Variants in MELK observed in about 807,000 individuals in gnomAD.
MELK encodes pEg3 kinase.
MELK carries 81 observed loss-of-function variants against 85.0 expected under a neutral mutation model. That is an observed-to-expected ratio of 0.95 (90% confidence interval 0.80 to 1.15). The LOEUF (loss-of-function observed/expected upper bound fraction) is 1.15, where lower values mean the gene tolerates loss of function less well. MELK is among the 50% of genes most tolerant of loss of function. MELK has a pLI of 0.00. For missense variants in MELK, 754 were observed against 777.5 expected (o/e 0.97, Z 0.36); for synonymous variants, 252 against 265.0 (o/e 0.95, Z 0.48).
intron 8 of MELK, among the ~76,000 whole-genome samples, chr9:36,621,309 A>AAAAAAC (rs1827418717): frequency 7.2e-6 from 1 of 138,684 alleles, no homozygotes; most frequent in Non-Finnish European, 1.5e-5. Context: ...AAAAAAAAAA[A>AAAAAAC]AAAAAAAACT....
intron 8 of MELK, among the ~76,000 whole-genome samples, chr9:36,610,291 A>G (rs897664135): frequency 2.0e-5 from 3 of 152,240 alleles, no homozygotes; most frequent in African/African-American, 7.2e-5. Flanking sequence ...ACTGAGTTCA[A>G]TCTTCAACTT....
intron 8 of MELK, among the ~76,000 whole-genome samples, chr9:36,628,012 C>G (rs1028957310): frequency 2.6e-5 from 4 of 152,062 alleles, no homozygotes; most frequent in Non-Finnish European, 5.9e-5. Context: ...AGTGATTTTT[C>G]TGCCTCAGCC....
chr9:36,596,874 T>C (rs1824342810), intron 5 of MELK, among the ~76,000 whole-genome samples: 1 of 152,066 alleles, frequency 6.6e-6, no homozygotes, highest in African/African-American at 2.4e-5. Context: ...GCGTGAGCCA[T>C]TGTGCCCAGC....
chr9:36,584,106 C>T (rs1377189251), intron 3 of MELK, among the ~76,000 whole-genome samples: 3 of 151,018 alleles, frequency 2.0e-5, no homozygotes, highest in Admixed American at 1.3e-4. Flanking sequence ...CCCGGGTTCA[C>T]GCCATTCTCC....
intron 1 of MELK, among the ~76,000 whole-genome samples, chr9:36,580,201 T>A (rs1822078338): frequency 6.6e-6 from 1 of 151,580 alleles, no homozygotes; most frequent in African/African-American, 2.4e-5. Context: ...GCTAATTTTT[T>A]ATAGCTTTAG....
chr9:36,596,934 T>C (rs970340787), intron 5 of MELK, among the ~76,000 whole-genome samples: 1 of 152,204 alleles, frequency 6.6e-6, no homozygotes, highest in Admixed American at 6.5e-5. Context: ...TTCTAGTCAT[T>C]TTCAGTTTGT....
At chr9:36,584,719 C>CTTT (rs869168768) in intron 3 of MELK, among the ~76,000 whole-genome samples, 1 of 129,764 alleles carries the variant, frequency 7.7e-6, no homozygotes, top group African/African-American at 2.9e-5. Flanking sequence ...TATGTCCTAG[C>CTTT]TTTTTTTTTT....
chr9:36,638,667 T>A (rs1829440710), intron 10 of MELK, among the ~76,000 whole-genome samples: 1 of 152,226 alleles, frequency 6.6e-6, no homozygotes, highest in Non-Finnish European at 1.5e-5. Context: ...AAGGGCTCTC[T>A]GTATATTATA....
intron 7 of MELK, among the ~76,000 whole-genome samples, chr9:36,607,146 A>G (rs1358490728): frequency 6.6e-6 from 1 of 152,268 alleles, no homozygotes; most frequent in Admixed American, 6.5e-5. Context: ...AGAATTTTAT[A>G]GTACAACTTA....
intron 8 of MELK, among the ~76,000 whole-genome samples, chr9:36,615,494 A>ACC (rs1267413665): frequency 1.7e-4 from 14 of 82,862 alleles, no homozygotes; most frequent in Admixed American, 1.2e-3. Context: ...GCGGGGGCTG[A>ACC]CCCCCCCCCA....
At chr9:36,615,494 A>ACCC (rs1267413665) in intron 8 of MELK, among the ~76,000 whole-genome samples, 2 of 82,860 alleles carry the variant, frequency 2.4e-5, no homozygotes, top group Admixed American at 1.2e-4. Context: ...GCGGGGGCTG[A>ACCC]CCCCCCCCCA....
At chr9:36,583,274 C>T (rs1822450789) in intron 2 of MELK, among the ~76,000 whole-genome samples, 1 of 152,016 alleles carries the variant, frequency 6.6e-6, no homozygotes. Flanking sequence ...CGCCCGGCCT[C>T]AAATATTTAA....
intron 1 of MELK, chr9:36,573,331 C>T (rs1261467139): frequency 3.3e-5 from 5 of 152,106 alleles, no homozygotes; most frequent in Admixed American, 6.6e-5. Flanking sequence ...GACTCTTCCC[C>T]GCGAAAAAAG....
intron 8 of MELK, among the ~76,000 whole-genome samples, chr9:36,610,028 G>T (rs953202058): frequency 2.0e-5 from 3 of 152,152 alleles, no homozygotes; most frequent in Non-Finnish European, 2.9e-5. Flanking sequence ...TTTAAAAGAA[G>T]GGTGGAAGTG....
In MELK at chr9:36,663,800, CTT is replaced by C. The variant is rs1460993529; in HGVS notation, c.1177-1549_1177-1548del. On this transcript the variant is annotated intron_variant, in intron 13 of 17. Transcript: ENST00000298048. ...TTATGCAGTCATCTGTTGATGGACACTTGGGTTGATTTTGTATCTTTGCTATT... is the reference window on the plus strand; with the variant it reads ...TTATGCAGTCATCTGTTGATGGACACGGGTTGATTTTGTATCTTTGCTATT... Among the ~76,000 whole-genome samples the C allele has an allele frequency of 2.0e-5, 3 of 152,232 alleles. 1 individual carries two copies. Among genetic ancestry groups the C allele is most frequent in the South Asian group, 4.1e-4 (2 of 4,826 alleles).
At chr9:36,666,423 C>G (rs915345700) in intron 14 of MELK, among the ~76,000 whole-genome samples, 7 of 152,082 alleles carry the variant, frequency 4.6e-5, no homozygotes, top group African/African-American at 1.4e-4. Flanking sequence ...CAGTACTAGA[C>G]CTGATGCCTA....
chr9:36,673,050 T>G (rs1833026043), intron 16 of MELK, among the ~76,000 whole-genome samples: 1 of 152,206 alleles, frequency 6.6e-6, no homozygotes, highest in Non-Finnish European at 1.5e-5. Context: ...ATACCTTAGT[T>G]TTTTAAGATA....
chr9:36,581,679 A>G lies in MELK; in HGVS notation c.-3A>G. 2 of 1,577,596 alleles carry G rather than the reference A, an allele frequency of 1.3e-6. No individual in the cohort carries two copies. The highest frequency in any genetic ancestry group is 1.7e-6 in the Non-Finnish European group (2 of 1,148,076). On this transcript the variant is annotated 5_prime_UTR_variant, in exon 2 of 18. Transcript: ENST00000298048. The stretch of plus-strand genomic sequence containing the variant: ...TAATTCCAAATAAACTTGCAAGAGG[A>G]CTATGAAAGATTATGATGAACTTCT...
intron 3 of MELK, among the ~76,000 whole-genome samples, chr9:36,589,333 T>C (rs940732878): frequency 6.6e-6 from 1 of 152,018 alleles, no homozygotes; most frequent in African/African-American, 2.4e-5. Flanking sequence ...GTAGTTTTAG[T>C]GAGACAGGGT....
Sources: gnomAD v4.1 joint callset for allele counts (sites outside exome capture counted in the v4.1 genomes callset) on GRCh38, gnomAD v4.1.1 for gene constraint, MANE v1.5 for transcripts, NCBI Gene and HGNC (gene_info 2026-07-23, HGNC 2026-07-21) for gene names.